TANC2: variants seen among roughly 807,000 people sequenced by gnomAD.
The protein encoded by TANC2 is tetratricopeptide repeat, ankyrin repeat and coiled-coil containing 2, also known as protein TANC2.
Under a neutral mutation model 210.5 loss-of-function variants are expected in TANC2, and 26 were observed. The ratio of observed to expected loss-of-function variants is 0.12; its 90% CI spans 0.09 to 0.17. The LOEUF is 0.17. Among genes scored for constraint, TANC2 ranks in the 10% least tolerant of loss-of-function variants. The pLI, the probability that TANC2 is intolerant of heterozygous loss-of-function variation, is 1.00. For synonymous variants in TANC2, 931 were observed against 967.1 expected (o/e 0.96, Z 0.69); for missense variants, 2,129 against 2,608.9 (o/e 0.82, Z 4.01).
chr17:62,970,027 A>G (rs2031603387), intron 1 of TANC2, among the ~76,000 whole-genome samples: 3 of 152,210 alleles, frequency 2.0e-5, no homozygotes, highest in Admixed American at 2.0e-4. Flanking sequence ...AAGACTTCAC[A>G]ATGCAGCCAA....
intron 5 of TANC2, among the ~76,000 whole-genome samples, chr17:63,184,766 GT>G (rs1448526222): frequency 6.6e-6 from 1 of 150,752 alleles, no homozygotes; most frequent in Non-Finnish European, 1.5e-5. Context: ...CTATTCTCAT[GT>G]TTCAGCCTCC....
At chr17:63,237,833 T>C in exon 8 of TANC2, 1 of 1,547,964 alleles carries the variant, frequency 6.5e-7, no homozygotes, top group Non-Finnish European at 8.7e-7. Context: ...CAAGCTATTC[T>C]GAAAATGTGG....
At chr17:63,385,813 T>C (rs1238288358) in intron 15 of TANC2, among the ~76,000 whole-genome samples, 1 of 152,186 alleles carries the variant, frequency 6.6e-6, no homozygotes, top group East Asian at 1.9e-4. Context: ...TCGAGGAGGA[T>C]GAAAAGGGAA....
intron 9 of TANC2, among the ~76,000 whole-genome samples, chr17:63,289,341 T>C (rs947178603): frequency 2.6e-5 from 4 of 152,170 alleles, no homozygotes; most frequent in South Asian, 2.1e-4. Flanking sequence ...TCCACAGTCA[T>C]TGGATATTTT....
exon 28 of TANC2, chr17:63,424,257 C>T (rs1191165261): frequency 6.6e-6 from 1 of 152,220 alleles, no homozygotes; most frequent in Non-Finnish European, 1.5e-5. Flanking sequence ...GATTTAGGGC[C>T]TATACCCTAT....
chr17:63,413,021 G>T, intron 24 of TANC2: 1 of 340,850 alleles, frequency 2.9e-6, no homozygotes, highest in Admixed American at 4.6e-5. Context: ...TTCGAACTGT[G>T]CTCCTGCTTC....
intron 5 of TANC2, among the ~76,000 whole-genome samples, chr17:63,180,818 G>A (rs931505957): frequency 6.6e-6 from 1 of 152,034 alleles, no homozygotes; most frequent in Non-Finnish European, 1.5e-5. Flanking sequence ...GAGGTCAGGA[G>A]TTCGAGACCA....
At chr17:63,357,299 T>TA (rs1360797326) in intron 14 of TANC2, among the ~76,000 whole-genome samples, 1 of 152,184 alleles carries the variant, frequency 6.6e-6, no homozygotes, top group Non-Finnish European at 1.5e-5. Context: ...ATAGTATCCT[T>TA]ACAACAGATG....
At chr17:63,199,448 G>A (rs556165475) in intron 6 of TANC2, among the ~76,000 whole-genome samples, 3 of 151,906 alleles carry the variant, frequency 2.0e-5, no homozygotes, top group African/African-American at 7.2e-5. Context: ...GTGAAACCCC[G>A]TCTCTACTAA....
chr17:63,317,775 T>G (rs1003783256), intron 10 of TANC2, among the ~76,000 whole-genome samples: 1 of 152,190 alleles, frequency 6.6e-6, no homozygotes, highest in African/African-American at 2.4e-5. Context: ...TACTATTGTC[T>G]GAATACCAAA....
intron 12 of TANC2, among the ~76,000 whole-genome samples, chr17:63,346,393 C>T (rs973638853): frequency 2.6e-5 from 4 of 152,150 alleles, no homozygotes; most frequent in Admixed American, 2.6e-4. Context: ...GCACTTGTAT[C>T]TACGATACAT....
At chr17:63,347,496 T>C (rs1366369155) in intron 12 of TANC2, among the ~76,000 whole-genome samples, 3 of 152,246 alleles carry the variant, frequency 2.0e-5, no homozygotes, top group African/African-American at 7.2e-5. Context: ...TTTGTTGCAA[T>C]AATTTTTAAT....
At chr17:63,261,265 T>C (rs1294390558) in intron 8 of TANC2, among the ~76,000 whole-genome samples, 1 of 151,842 alleles carries the variant, frequency 6.6e-6, no homozygotes, top group Non-Finnish European at 1.5e-5. Flanking sequence ...AAAAAAATCA[T>C]TAACTAGGTT....
chr17:63,243,233 T>C (rs2042823709), intron 8 of TANC2, among the ~76,000 whole-genome samples: 1 of 152,216 alleles, frequency 6.6e-6, no homozygotes, highest in South Asian at 2.1e-4. Flanking sequence ...ATTGAAATTA[T>C]ACATTGATGG....
At chr17:63,354,835 A>G (rs1181153697) in exon 14 of TANC2, 3 of 1,607,232 alleles carry the variant, frequency 1.9e-6, no homozygotes, top group Admixed American at 3.4e-5. Context: ...CGACTAGAAG[A>G]GAATGAAGCC....
chr17:63,354,747 G>T (rs769260405), intron 13 of TANC2, 36 bp from the exon 14 acceptor site: 4 of 1,526,388 alleles, frequency 2.6e-6, no homozygotes, highest in South Asian at 1.3e-5. Flanking sequence ...GAAACTGAAG[G>T]TCTTTCTGTC....
chr17:63,289,268 C>G (rs1226692660), intron 9 of TANC2, among the ~76,000 whole-genome samples: 1 of 151,964 alleles, frequency 6.6e-6, no homozygotes, highest in African/African-American at 2.4e-5. Flanking sequence ...TATTCTGTTC[C>G]TTTTTCTCTT....
At chr17:63,271,900 G>C (rs1046249592) in intron 9 of TANC2, among the ~76,000 whole-genome samples, 1 of 152,106 alleles carries the variant, frequency 6.6e-6, no homozygotes, top group Admixed American at 6.6e-5. Context: ...TCTGTAGGTT[G>C]TCTGTTGACT....
At chr17:63,236,364 T>C (rs1397386652) in intron 7 of TANC2, among the ~76,000 whole-genome samples, 1 of 152,110 alleles carries the variant, frequency 6.6e-6, no homozygotes, top group South Asian at 2.1e-4. Flanking sequence ...GTTTCAGTTA[T>C]GTAAACTTCA....
Sources: gnomAD v4.1 joint callset for allele counts (sites outside exome capture counted in the v4.1 genomes callset) on GRCh38, gnomAD v4.1.1 for gene constraint, MANE v1.5 for transcripts, NCBI Gene and HGNC (gene_info 2026-07-23, HGNC 2026-07-21) for gene names.